Variants in HMCN2 observed in about 807,000 individuals in gnomAD.
HMCN2 encodes hemicentin 2, also known as hemicentin-2.
HMCN2 carries 325 observed loss-of-function variants against 377.5 expected under a neutral mutation model. The ratio of observed to expected loss-of-function variants is 0.86; its 90% CI spans 0.79 to 0.94. The LOEUF (loss-of-function observed/expected upper bound fraction) is 0.94. Ranked by LOEUF, HMCN2 falls within the 40% of genes least tolerant of loss-of-function variation. HMCN2 has a pLI of 0.00. For synonymous variants in HMCN2, 2,007 were observed against 2,046.8 expected (o/e 0.98, Z 0.53); for missense variants, 4,543 against 4,725.3 (o/e 0.96, Z 1.13).
chr9:130,274,227 A>G (rs541207113), intron 1 of HMCN2, among the ~76,000 whole-genome samples: 1 of 151,452 alleles, frequency 6.6e-6, no homozygotes, highest in African/African-American at 2.4e-5. Context: ...TAATTTTTGT[A>G]TTTTTTAGTA....
intron 86 of HMCN2, among the ~76,000 whole-genome samples, chr9:130,421,363 G>A (rs993042845): frequency 1.3e-5 from 2 of 152,170 alleles, no homozygotes; most frequent in African/African-American, 4.8e-5. Context: ...TTTCCTTAAG[G>A]GGCATGGGTG....
chr9:130,353,190 A>G lies in HMCN2; in HGVS notation c.4849A>G (p.Arg1617Gly). 1 of 1,303,782 alleles carries G rather than the reference A, an allele frequency of 7.7e-7. No homozygotes were observed. The highest frequency in any genetic ancestry group is 1.0e-6 in the Non-Finnish European group (1 of 988,874). 80.8% of individuals were successfully genotyped at this position (1,303,782 alleles called of 1,614,324 possible). A position where few individuals can be genotyped will look rare whatever the true frequency, so the allele number is the denominator to read the frequency against. ...NAVGAAEKATRLDVYVPPTIE... is the reference protein window; with the variant it reads ...NAVGAAEKATGLDVYVPPTIE... ...TGTGGGGGCCGCAGAGAAGGCCACC[A>G]GGCTGGATGTTTATGGTGAGCAGCC... Residue 1617 changes from arginine to glycine, a missense_variant, in exon 31 of 98, where the codon AGG becomes GGG. This residue lies in a region of HMCN2 where 1,032 missense variants were observed against 1,285.1 expected (regional missense o/e 0.80). Coordinates refer to ENST00000683500, the MANE Select transcript of HMCN2 (RefSeq NM_001291815.2).
intron 1 of HMCN2, among the ~76,000 whole-genome samples, chr9:130,282,875 A>C (rs1485528267): frequency 6.6e-6 from 1 of 152,166 alleles, no homozygotes; most frequent in Non-Finnish European, 1.5e-5. Context: ...GTTCAAGACC[A>C]GCCTGGCCAA....
rs1303861529 is a variant in HMCN2 at position 130,349,642 on chromosome 9, T to C, written c.4409T>C (p.Val1470Ala). The C allele has an allele frequency of 7.7e-7, 1 of 1,303,762 alleles. No homozygotes were observed. Among genetic ancestry groups the C allele is most frequent in the Non-Finnish European group, 1.0e-6 (1 of 988,726 alleles). The allele number at this position is 1,303,762 out of a possible 1,614,324, so 80.8% of individuals were successfully genotyped here. A position where few individuals can be genotyped will look rare whatever the true frequency, so the allele number is the denominator to read the frequency against. ...ACCTCAGGGGTCCCCACGCCCCAGG[T>C]GGAGTGGACCAAGGACAGGCAGTGA... The part of the protein sequence containing the change: ...CWTSGVPTPQ[V>A]EWTKDRQPVL... Residue 1470 changes from valine to alanine, a missense_variant, in exon 29 of 98, where the codon GTG (valine) becomes GCG (alanine). This residue lies in a region of HMCN2 where 1,032 missense variants were observed against 1,285.1 expected (regional missense o/e 0.80). Transcript: ENST00000683500.
chr9:130,398,173 A>AAAAAAAAAAAT, intron 74 of HMCN2, among the ~76,000 whole-genome samples: 1 of 151,026 alleles, frequency 6.6e-6, no homozygotes, highest in Non-Finnish European at 1.5e-5. Context: ...AAAAAAAAAA[A>AAAAAAAAAAAT]AAAAAGTAAA....
chr9:130,433,460 C>T lies in HMCN2; in HGVS notation c.15007C>T (p.Leu5003Phe), dbSNP rs900702892. ...GVRAHHDVAR[L>F]TAFSEVGVPA... ...GCGCGCCCACCACGACGTGGCCCGC[C>T]TCACCGCCTTCTCCGAGGTCGGCGT... is the stretch of plus-strand genomic sequence containing the variant. The change falls in exon 98 of 98, where the codon CTC becomes TTC. Residue 5003 changes from leucine to phenylalanine, a missense_variant. Leu to Phe is a conservative substitution (Grantham distance 22). This residue lies in a region of HMCN2 where 1,155 missense variants were observed against 1,157.7 expected (regional missense o/e 1.00). Coordinates refer to ENST00000683500, the MANE Select transcript of HMCN2 (RefSeq NM_001291815.2). 318 of 1,500,596 alleles carry T rather than the reference C, an allele frequency of 2.1e-4. No homozygotes were observed. The highest frequency in any genetic ancestry group is 2.6e-4 in the Non-Finnish European group (300 of 1,132,806). The allele number at this position is 1,500,596 out of a possible 1,614,324, so 93.0% of individuals were successfully genotyped here.
rs1369963535 is a variant in HMCN2 at position 130,414,570 on chromosome 9, A to G, written c.12961+3918A>G. Among the ~76,000 whole-genome samples, 1 of 152,058 alleles carries G rather than the reference A, an allele frequency of 6.6e-6. No individual in the cohort carries two copies. Among genetic ancestry groups the G allele is most frequent in the Non-Finnish European group, 1.5e-5 (1 of 68,008 alleles). On this transcript the variant is annotated intron_variant, in intron 85 of 97. Transcript: ENST00000683500. The surrounding 1 kb of genome is among the most constrained non-coding windows in gnomAD (Gnocchi z 4.4). ...AAATCTCAATGAAAGCAGACAACAG[A>G]TGCCTACTGAGATAGTACAGATATC...
chr9:130,337,344 C>T (rs1838807359), intron 22 of HMCN2, among the ~76,000 whole-genome samples: 1 of 152,108 alleles, frequency 6.6e-6, no homozygotes, highest in African/African-American at 2.4e-5. Context: ...GAGCACCAAG[C>T]GACTGCAGTC....
In HMCN2 at chr9:130,429,555, A is replaced by T. The variant is rs762460079; in HGVS notation, c.14198-2A>T. The T allele has an allele frequency of 6.5e-7, 1 of 1,550,254 alleles. No individual in the cohort carries two copies. Among genetic ancestry groups the T allele is most frequent in the Non-Finnish European group, 8.7e-7 (1 of 1,146,840 alleles). ...ACCACCGACCATGCCCCTGCCTCCC[A>T]GATGTGGACGAATGCCTGGAGGGGT... On this transcript the variant is annotated splice_acceptor_variant, in intron 93 of 97. Transcript: ENST00000683500. LOFTEE classifies it high-confidence loss of function.
intron 22 of HMCN2, among the ~76,000 whole-genome samples, 167 bp downstream of exon 22, chr9:130,327,642 T>C (rs2131423213): frequency 6.6e-6 from 1 of 152,310 alleles, no homozygotes; most frequent in East Asian, 1.9e-4. Flanking sequence ...CCCAGAAGCC[T>C]GGAAGGGGCC....
At chr9:130,268,373 C>T (rs1168074645) in intron 1 of HMCN2, among the ~76,000 whole-genome samples, 1 of 124,392 alleles carries the variant, frequency 8.0e-6, no homozygotes, top group East Asian at 2.0e-4. Flanking sequence ...CGAGTGACAC[C>T]CCCAGGTTCA....
chr9:130,386,000 G>A (rs1842005391), intron 60 of HMCN2, among the ~76,000 whole-genome samples: 1 of 152,182 alleles, frequency 6.6e-6, no homozygotes, highest in African/African-American at 2.4e-5. Context: ...TCCTGCCTCG[G>A]TTTCCTCAGC....
chr9:130,293,048 T>C (rs1053306184), intron 4 of HMCN2, among the ~76,000 whole-genome samples: 1 of 152,144 alleles, frequency 6.6e-6, no homozygotes, highest in Non-Finnish European at 1.5e-5. Flanking sequence ...CATCTATCTC[T>C]ATCTGGAGAA....
chr9:130,433,386 G>A lies in HMCN2; in HGVS notation c.14933G>A (p.Gly4978Asp), dbSNP rs1270187792. Residue 4978 changes from glycine to aspartate, a missense_variant, in exon 98 of 98, where the codon GGC becomes GAC. By Grantham distance (94) the Gly-to-Asp change is moderately conservative. Around this residue, in one of 5 missense-constraint regions of HMCN2, gnomAD observed 1,155 missense variants for 1,157.7 expected, o/e 1.00. Coordinates refer to ENST00000683500, the MANE Select transcript of HMCN2 (RefSeq NM_001291815.2). ...CGCTGCTCGCAGGACTGCGGCACGG[G>A]CGGCCCCTCTACGCTGCAGTACCGG... ...FRRCSQDCGT[G>D]GPSTLQYRLL... The A allele has an allele frequency of 2.0e-6, 3 of 1,483,342 alleles. No homozygotes were observed. The Admixed American group carries it at 6.8e-5, about 34-fold the overall frequency. The allele number at this position is 1,483,342 out of a possible 1,614,324, so 91.9% of individuals were successfully genotyped here.
At chr9:130,433,179 G>A (rs1844865652) in intron 97 of HMCN2, 169 bp from the exon 98 acceptor site, 2 of 519,846 alleles carry the variant, frequency 3.8e-6, no homozygotes, top group Admixed American at 4.2e-5. Context: ...ACTCTAAAAC[G>A]GGCTAGCGTG....
intron 60 of HMCN2, among the ~76,000 whole-genome samples, chr9:130,386,225 C>G (rs1322431903): frequency 6.6e-6 from 1 of 152,178 alleles, no homozygotes; most frequent in Non-Finnish European, 1.5e-5. Flanking sequence ...GGAGGGAGGT[C>G]CCCAGAGCCT....
chr9:130,354,659 A>C (rs1012374186), intron 31 of HMCN2, 104 bp from the exon 32 acceptor site: 20 of 988,616 alleles, frequency 2.0e-5, no homozygotes, highest in Non-Finnish European at 2.7e-5. Context: ...AGTGTTTCAC[A>C]TGGAGTGGGG....
chr9:130,431,261 C>A (rs1844734853), intron 95 of HMCN2, 106 bp from the exon 96 acceptor site: 3 of 1,153,274 alleles, frequency 2.6e-6, no homozygotes, highest in East Asian at 2.6e-5. Context: ...AGGAGCAGGG[C>A]AGCTCCAGAG....
intron 22 of HMCN2, among the ~76,000 whole-genome samples, chr9:130,333,890 G>A (rs1404125571): frequency 6.6e-6 from 1 of 152,234 alleles, no homozygotes; most frequent in Non-Finnish European, 1.5e-5. Flanking sequence ...GGTCTGAGCA[G>A]GTCCTGGAGA....
Sources: allele counts gnomAD v4.1 joint callset (sites outside exome capture counted in the v4.1 genomes callset), GRCh38; gene constraint gnomAD v4.1.1; regional missense constraint gnomAD v4.1.1; non-coding constraint Gnocchi (gnomAD v3.1); transcripts MANE v1.5; gene names NCBI Gene and HGNC (gene_info 2026-07-23, HGNC 2026-07-21).